PPP1R1C: variants seen among roughly 807,000 people sequenced by gnomAD.
PPP1R1C encodes protein phosphatase 1 regulatory inhibitor subunit 1C, also known as protein phosphatase 1 regulatory subunit 1C.
Under a neutral mutation model 17.4 loss-of-function variants are expected in PPP1R1C, and 15 were observed. The observed-to-expected ratio is 0.86, with a 90% CI of 0.58 to 1.33. The LOEUF is 1.33. Among genes scored for constraint, PPP1R1C ranks in the 40% most tolerant of loss-of-function variants. The pLI is 0.00. For missense variants in PPP1R1C, 143 were observed against 130.0 expected (o/e 1.10, Z -0.48); for synonymous variants, 35 against 43.1 (o/e 0.81, Z 0.73).
intron 2 of PPP1R1C, among the ~76,000 whole-genome samples, chr2:182,007,800 C>T (rs919200659): frequency 6.6e-6 from 1 of 152,124 alleles, no homozygotes; most frequent in Non-Finnish European, 1.5e-5. Context: ...CGGTGGCTCA[C>T]GCCTGTAATC....
At chr2:181,993,860 G>GT (rs1407012466) in intron 2 of PPP1R1C, among the ~76,000 whole-genome samples, 1 of 151,850 alleles carries the variant, frequency 6.6e-6, no homozygotes, top group Non-Finnish European at 1.5e-5. Flanking sequence ...TTGCTACATT[G>GT]TAAGTTTTCA....
At chr2:182,008,784 G>C (rs192742287) in intron 2 of PPP1R1C, among the ~76,000 whole-genome samples, 113 of 152,126 alleles carry the variant, frequency 7.4e-4, no homozygotes, top group Non-Finnish European at 1.1e-3. Flanking sequence ...TCTCCGTTTA[G>C]TCCCCACTAT....
Position 182,020,007 on chromosome 2 carries a change from G to A in PPP1R1C, c.142+32108G>A, listed in dbSNP as rs1006584304. Among the ~76,000 whole-genome samples, 5 of 152,274 alleles carry A rather than the reference G, an allele frequency of 3.3e-5. No homozygotes were observed. The East Asian group carries it at 5.8e-4, about 18-fold the overall frequency. On this transcript the variant is annotated intron_variant, in intron 2 of 4. Transcript: ENST00000682840. The stretch of plus-strand genomic sequence containing the variant: ...TAAGAAATCAGTTCCCTGAAACTAC[G>A]ACCATTTGAAACTGGTTTAAACCAG...
At chr2:182,098,010 G>T (rs1440736225) in intron 4 of PPP1R1C, among the ~76,000 whole-genome samples, 1 of 151,864 alleles carries the variant, frequency 6.6e-6, no homozygotes, top group East Asian at 1.9e-4. Flanking sequence ...ACACTGCTCA[G>T]CTTCTGCTTA....
chr2:182,003,860 G>T (rs1169128413), intron 2 of PPP1R1C, among the ~76,000 whole-genome samples: 1 of 152,070 alleles, frequency 6.6e-6, no homozygotes, highest in African/African-American at 2.4e-5. Flanking sequence ...AACAAATCAG[G>T]TACACAGTAA....
chr2:182,047,821 CA>C (rs751767283), intron 2 of PPP1R1C, among the ~76,000 whole-genome samples: 10 of 152,120 alleles, frequency 6.6e-5, no homozygotes, highest in Non-Finnish European at 1.3e-4. Context: ...TTGGAAGTGG[CA>C]GCAGAAATTA....
At chr2:182,014,798 CAGA>C (rs1686208280) in intron 2 of PPP1R1C, among the ~76,000 whole-genome samples, 3 of 151,750 alleles carry the variant, frequency 2.0e-5, no homozygotes, top group Non-Finnish European at 2.9e-5. Context: ...TTTCCTCAAG[CAGA>C]AGGAGACTCT....
At chr2:182,105,364 C>T (rs543228741) in intron 4 of PPP1R1C, among the ~76,000 whole-genome samples, 3 of 152,232 alleles carry the variant, frequency 2.0e-5, no homozygotes, top group South Asian at 4.2e-4. Flanking sequence ...ATGTGACATC[C>T]GTCAGCATAG....
intron 2 of PPP1R1C, among the ~76,000 whole-genome samples, chr2:182,028,124 A>G (rs1246114525): frequency 7.2e-6 from 1 of 139,120 alleles, no homozygotes; most frequent in Non-Finnish European, 1.5e-5. Flanking sequence ...TAGTCTTGCT[A>G]GCGGTCTATC....
chr2:182,108,754 T>C (rs1451239722), intron 4 of PPP1R1C, among the ~76,000 whole-genome samples: 1 of 152,206 alleles, frequency 6.6e-6, no homozygotes, highest in African/African-American at 2.4e-5. Context: ...TTATAATCCA[T>C]ATCCAGTTTT....
At chr2:182,083,376 A>G (rs1357058515) in intron 4 of PPP1R1C, among the ~76,000 whole-genome samples, 1 of 152,114 alleles carries the variant, frequency 6.6e-6, no homozygotes, top group African/African-American at 2.4e-5. Flanking sequence ...TGTAACTGAT[A>G]TGTAGTTTTT....
rs534410260 is a variant in PPP1R1C at position 182,084,127 on chromosome 2, T to A, written c.241+20336T>A. 2.0e-3 allele frequency among the ~76,000 whole-genome samples: 303 copies of A among 152,154 alleles called. 2 individuals carry two copies. Among genetic ancestry groups the A allele is most frequent in the African/African-American group, 6.7e-3 (278 of 41,556 alleles). On this transcript the variant is annotated intron_variant, in intron 4 of 4. Transcript: ENST00000682840. Reference sequence around the variant, plus strand: ...TAATGGGATTATTTGTGTTTTTTTTTATTTTATTTGTTTGAATTTCTTGCA... The same window carrying A: ...TAATGGGATTATTTGTGTTTTTTTTAATTTTATTTGTTTGAATTTCTTGCA...
chr2:182,099,597 T>G (rs1299118762), intron 4 of PPP1R1C, among the ~76,000 whole-genome samples: 2 of 152,232 alleles, frequency 1.3e-5, no homozygotes, highest in South Asian at 4.1e-4. Flanking sequence ...TATAGAATCA[T>G]GGATCCTGGT....
intron 2 of PPP1R1C, among the ~76,000 whole-genome samples, chr2:182,006,619 C>G (rs942691208): frequency 2.0e-5 from 3 of 152,128 alleles, no homozygotes; most frequent in Non-Finnish European, 4.4e-5. Flanking sequence ...CTGGTCTGTT[C>G]CTTTTTAACA....
chr2:181,975,042 G>A (rs1247200393), intron 1 of PPP1R1C, among the ~76,000 whole-genome samples: 1 of 152,172 alleles, frequency 6.6e-6, no homozygotes, highest in South Asian at 2.1e-4. Flanking sequence ...TCAATCATAT[G>A]GGGTTACAAG....
At chr2:181,966,280 A>G (rs559869783) in intron 1 of PPP1R1C, among the ~76,000 whole-genome samples, 7 of 152,266 alleles carry the variant, frequency 4.6e-5, no homozygotes, top group African/African-American at 1.7e-4. Flanking sequence ...TTCCTTTCCA[A>G]TTTGGAGGCA....
intron 1 of PPP1R1C, among the ~76,000 whole-genome samples, chr2:181,963,170 A>T (rs1684840019): frequency 6.6e-6 from 1 of 152,234 alleles, no homozygotes; most frequent in Non-Finnish European, 1.5e-5. Flanking sequence ...TTTGATAAAG[A>T]TCATTATAAA....
intron 2 of PPP1R1C, among the ~76,000 whole-genome samples, chr2:182,007,688 C>T (rs1158849471): frequency 1.3e-5 from 2 of 152,164 alleles, no homozygotes; most frequent in Non-Finnish European, 2.9e-5. Flanking sequence ...TGCCTGGAGA[C>T]TAGGAGTTTT....
chr2:181,979,422 C>T (rs1559043601), intron 2 of PPP1R1C, among the ~76,000 whole-genome samples: 1 of 152,122 alleles, frequency 6.6e-6, no homozygotes, highest in Non-Finnish European at 1.5e-5. Flanking sequence ...TTTTATACAT[C>T]CTCAGATAAT....
Sources: gnomAD v4.1 joint callset for allele counts (sites outside exome capture counted in the v4.1 genomes callset) on GRCh38, gnomAD v4.1.1 for gene constraint, MANE v1.5 for transcripts, NCBI Gene and HGNC (gene_info 2026-07-23, HGNC 2026-07-21) for gene names.